Variants in CCDC192 observed in about 807,000 individuals in gnomAD.
CCDC192 encodes the protein coiled-coil domain containing 192.
intron 3 of CCDC192, among the ~76,000 whole-genome samples, chr5:127,772,466 CAA>C (rs34089281): frequency 1.6e-3 from 108 of 67,686 alleles, no homozygotes; most frequent in African/African-American, 4.3e-3. Context: ...GACTCTGTCA[CAA>C]AAAAAAAAAA....
At chr5:127,717,484 C>A (rs1444100364) in intron 2 of CCDC192, among the ~76,000 whole-genome samples, 1 of 151,718 alleles carries the variant, frequency 6.6e-6, no homozygotes, top group Admixed American at 6.6e-5. Flanking sequence ...GTAATAGTAT[C>A]CTTGTAATTG....
At chr5:127,937,828 G>T (rs1249282032) in intron 6 of CCDC192, among the ~76,000 whole-genome samples, 17 of 152,210 alleles carry the variant, frequency 1.1e-4, no homozygotes, top group African/African-American at 3.6e-4. Flanking sequence ...GTCTAAAAAC[G>T]TTTTGACCAG....
chr5:127,719,504 TACATATATATATATATATATACAC>T (rs1252922238), intron 2 of CCDC192, among the ~76,000 whole-genome samples: 1 of 47,428 alleles, frequency 2.1e-5, no homozygotes, highest in East Asian at 8.2e-4. Flanking sequence ...TACACACACA[TACATATATATATATATATATACAC>T]ACATACATAT....
Position 127,907,417 on chromosome 5 carries a change from C to T in CCDC192, c.535+31756C>T, listed in dbSNP as rs115273560. ...ACATTGAAAACAATTTTGCATATTA[C>T]AATTCTTCAGTTATTGTGATCCAAT... On this transcript the variant is annotated intron_variant, in intron 6 of 6. Coordinates refer to ENST00000514853, the MANE Select transcript of CCDC192 (RefSeq NM_001317938.2). Among the ~76,000 whole-genome samples, 352 of 152,108 alleles carry T rather than the reference C, an allele frequency of 2.3e-3. 1 individual carries two copies. Among genetic ancestry groups the T allele is most frequent in the African/African-American group, 8.1e-3 (338 of 41,490 alleles).
At chr5:127,778,274 C>A (rs1362712113) in intron 3 of CCDC192, among the ~76,000 whole-genome samples, 1 of 152,156 alleles carries the variant, frequency 6.6e-6, no homozygotes, top group Non-Finnish European at 1.5e-5. Flanking sequence ...TGTCTTTTAT[C>A]ATGTTGAGGA....
chr5:127,814,693 G>A (rs1316913951), intron 5 of CCDC192, among the ~76,000 whole-genome samples: 1 of 152,158 alleles, frequency 6.6e-6, no homozygotes, highest in Non-Finnish European at 1.5e-5. Flanking sequence ...TTGCCTTTCA[G>A]CCCTGGATCT....
At chr5:127,760,863 C>T (rs1392867927) in intron 3 of CCDC192, among the ~76,000 whole-genome samples, 1 of 152,030 alleles carries the variant, frequency 6.6e-6, no homozygotes, top group African/African-American at 2.4e-5. Flanking sequence ...AGATACCCCT[C>T]CTTGTTGGAG....
intron 6 of CCDC192, among the ~76,000 whole-genome samples, chr5:127,902,741 T>G (rs1365552801): frequency 6.6e-6 from 1 of 152,224 alleles, no homozygotes; most frequent in Admixed American, 6.5e-5. Flanking sequence ...AGTAACCTCC[T>G]GGGCAATTAG....
chr5:127,938,669 G>A (rs1053144113), intron 6 of CCDC192, among the ~76,000 whole-genome samples: 1 of 152,130 alleles, frequency 6.6e-6, no homozygotes, highest in Non-Finnish European at 1.5e-5. Flanking sequence ...TCATTTTAAT[G>A]CATAAGCAAT....
At chr5:127,936,603 AG>A (rs1754193084) in intron 6 of CCDC192, among the ~76,000 whole-genome samples, 1 of 152,168 alleles carries the variant, frequency 6.6e-6, no homozygotes, top group Non-Finnish European at 1.5e-5. Flanking sequence ...AAAATGATGA[AG>A]AATGATGTAT....
At chr5:127,773,037 A>C (rs567302474) in intron 3 of CCDC192, among the ~76,000 whole-genome samples, 98 of 152,238 alleles carry the variant, frequency 6.4e-4, no homozygotes, top group African/African-American at 2.3e-3. Context: ...TTGAGGAGAA[A>C]GTTGAGGGAA....
intron 6 of CCDC192, among the ~76,000 whole-genome samples, chr5:127,886,638 A>T (rs541158891): frequency 7.9e-5 from 12 of 152,312 alleles, no homozygotes; most frequent in African/African-American, 2.9e-4. Context: ...ACAGTATATG[A>T]TACATATAAC....
At chr5:127,937,704 C>T (rs1490705676) in intron 6 of CCDC192, among the ~76,000 whole-genome samples, 1 of 152,252 alleles carries the variant, frequency 6.6e-6, no homozygotes, top group African/African-American at 2.4e-5. Flanking sequence ...CTGTAATACT[C>T]TCTTCCAGAA....
At chr5:127,880,691 T>C (rs1752317233) in intron 6 of CCDC192, among the ~76,000 whole-genome samples, 1 of 151,592 alleles carries the variant, frequency 6.6e-6, no homozygotes, top group African/African-American at 2.4e-5. Context: ...AGTTAAAATA[T>C]AGTATAGGCC....
chr5:127,929,890 T>C (rs1423031664), intron 6 of CCDC192, among the ~76,000 whole-genome samples: 1 of 152,118 alleles, frequency 6.6e-6, no homozygotes, highest in Non-Finnish European at 1.5e-5. Flanking sequence ...CATTTGACAC[T>C]AGTGCAACAT....
chr5:127,888,466 A>G (rs1752639610), intron 6 of CCDC192, among the ~76,000 whole-genome samples: 1 of 152,076 alleles, frequency 6.6e-6, no homozygotes, highest in Non-Finnish European at 1.5e-5. Context: ...ATTCTCACGT[A>G]TAAATTTACA....
chr5:127,931,670 T>C lies in CCDC192; in HGVS notation c.536-9512T>C, dbSNP rs1321298332. Among the ~76,000 whole-genome samples, 4 of 152,068 alleles carry C rather than the reference T, an allele frequency of 2.6e-5. No individual in the cohort carries two copies. The East Asian group carries it at 7.7e-4, about 29-fold the overall frequency. On this transcript the variant is annotated intron_variant, in intron 6 of 6. Coordinates refer to ENST00000514853, the MANE Select transcript of CCDC192 (RefSeq NM_001317938.2). ...TTCCTTGGGAAGCTCTGTAAAAATA[T>C]AGATTCCCAGGCACCCTTCTAGAGT...
At chr5:127,714,219 C>T (rs1751493823) in intron 2 of CCDC192, among the ~76,000 whole-genome samples, 1 of 152,116 alleles carries the variant, frequency 6.6e-6, no homozygotes, top group Admixed American at 6.6e-5. Flanking sequence ...AAATAGATCA[C>T]ATTTTCTTTA....
intron 2 of CCDC192, among the ~76,000 whole-genome samples, chr5:127,743,368 T>G (rs1753534410): frequency 6.6e-6 from 1 of 152,192 alleles, no homozygotes; most frequent in African/African-American, 2.4e-5. Context: ...AAATCATCCC[T>G]TCGTTTAACT....
Sources: allele counts gnomAD v4.1 joint callset (sites outside exome capture counted in the v4.1 genomes callset), GRCh38; gene constraint gnomAD v4.1.1; transcripts MANE v1.5; gene names NCBI Gene and HGNC (gene_info 2026-07-23, HGNC 2026-07-21).